RILPL2: variants seen among roughly 807,000 people sequenced by gnomAD.
RILPL2 encodes Rab interacting lysosomal protein like 2.
RILPL2 carries 19 observed loss-of-function variants against 22.2 expected under a neutral mutation model. The observed-to-expected ratio is 0.86, with a 90% CI of 0.60 to 1.25. The LOEUF (loss-of-function observed/expected upper bound fraction) is 1.25. Among genes scored for constraint, RILPL2 ranks in the 50% most tolerant of loss-of-function variants. The pLI, the probability that RILPL2 is intolerant of heterozygous loss-of-function variation, is 0.00. For synonymous variants in RILPL2, 123 were observed against 111.6 expected (o/e 1.10, Z -0.64); for missense variants, 243 against 263.6 (o/e 0.92, Z 0.54).
intron 2 of RILPL2, among the ~76,000 whole-genome samples, chr12:123,429,784 T>G (rs1326089450): frequency 1.3e-5 from 2 of 151,714 alleles, no homozygotes; most frequent in Admixed American, 6.6e-5. Flanking sequence ...TTTTTGTATT[T>G]TTAATGGAGA....
At chr12:123,419,225 T>A (rs1450857932) in intron 3 of RILPL2, among the ~76,000 whole-genome samples, 1 of 147,888 alleles carries the variant, frequency 6.8e-6, no homozygotes, top group Non-Finnish European at 1.5e-5. Context: ...TTAGCCAGGA[T>A]GGTCAGCCAG....
At chr12:123,427,354 C>T (rs1879470119) in intron 2 of RILPL2, among the ~76,000 whole-genome samples, 1 of 152,104 alleles carries the variant, frequency 6.6e-6, no homozygotes, top group Non-Finnish European at 1.5e-5. Context: ...CCCCAGAGGC[C>T]TAACAGCGTC....
Position 123,430,657 on chromosome 12 carries a change from C to A in RILPL2, c.342G>T (p.Val114=). The change falls in exon 2 of 4, where the codon GTG becomes GTT. Residue 114 remains valine, a splice_region_variant and synonymous_variant. Coordinates refer to ENST00000280571, the MANE Select transcript of RILPL2 (RefSeq NM_145058.3). ...RRQSPPASGE[V]NLGPNKMVVD... ...CCACCATTTTGTTTGGGCCCAGGTT[C>A]ACCTGGAAGAAAAGACGCAACCTTT... The A allele has an allele frequency of 6.3e-7, 1 of 1,579,202 alleles. No individual in the cohort carries two copies. Among genetic ancestry groups the A allele is most frequent in the East Asian group, 2.3e-5 (1 of 43,066 alleles).
intron 1 of RILPL2, among the ~76,000 whole-genome samples, chr12:123,434,715 A>C (rs1417897532): frequency 2.0e-5 from 3 of 151,790 alleles, no homozygotes; most frequent in Admixed American, 6.6e-5. Context: ...CGTGAGTCAC[A>C]GCACCCAGCC....
chr12:123,424,558 C>G (rs995770902), intron 2 of RILPL2, among the ~76,000 whole-genome samples: 1 of 151,994 alleles, frequency 6.6e-6, no homozygotes, highest in African/African-American at 2.4e-5. Flanking sequence ...CTCAAACTCC[C>G]GACCTCAGGT....
chr12:123,432,313 C>T (rs1419946785), intron 1 of RILPL2, among the ~76,000 whole-genome samples: 1 of 152,112 alleles, frequency 6.6e-6, no homozygotes, highest in African/African-American at 2.4e-5. Flanking sequence ...TGAGACCAGC[C>T]TGGACAACAT....
chr12:123,422,005 CTTTTT>C (rs35786523), intron 3 of RILPL2, among the ~76,000 whole-genome samples: 1 of 132,370 alleles, frequency 7.6e-6, no homozygotes, highest in East Asian at 2.3e-4. Context: ...CTTTCTCTCT[CTTTTT>C]TTTTTTTTTT....
At chr12:123,418,421 AT>A (rs1483144014) in intron 3 of RILPL2, among the ~76,000 whole-genome samples, 1 of 152,168 alleles carries the variant, frequency 6.6e-6, no homozygotes, top group Non-Finnish European at 1.5e-5. Flanking sequence ...ATTTGTGATC[AT>A]AGCACATATA....
chr12:123,434,049 G>GC (rs1879720597), intron 1 of RILPL2, among the ~76,000 whole-genome samples: 1 of 152,130 alleles, frequency 6.6e-6, no homozygotes, highest in Non-Finnish European at 1.5e-5. Context: ...ACTTACAGCA[G>GC]CTTTTTTGTT....
chr12:123,424,213 A>C (rs1484644911), intron 2 of RILPL2, among the ~76,000 whole-genome samples: 1 of 152,218 alleles, frequency 6.6e-6, no homozygotes, highest in East Asian at 1.9e-4. Flanking sequence ...TCTCTGAACA[A>C]AATAGACAAA....
chr12:123,430,444 T>C, intron 2 of RILPL2, 64 bp downstream of exon 2: 1 of 1,460,338 alleles, frequency 6.8e-7, no homozygotes. Context: ...AAAACAAATA[T>C]GTAACCTAGC....
chr12:123,414,167 G>A (rs1175305396), downstream of RILPL2: 2 of 153,150 alleles, frequency 1.3e-5, no homozygotes, highest in Non-Finnish European at 2.9e-5. Flanking sequence ...AGCAGGGGGT[G>A]GGGCTCGTGG....
At position 123,429,531 on chromosome 12, in the gene RILPL2, G is replaced by A. The variant is rs1465143838; in HGVS notation, c.491+977C>T. Among the ~76,000 whole-genome samples the A allele has an allele frequency of 4.0e-5, 6 of 151,800 alleles. No homozygotes were observed. The East Asian group carries it at 5.8e-4, about 15-fold the overall frequency. On this transcript the variant is annotated intron_variant, in intron 2 of 3. Coordinates refer to ENST00000280571, the MANE Select transcript of RILPL2 (RefSeq NM_145058.3). ...AGGCTGGTCTCGAACTCCTGACCTC[G>A]TGATCTGCCCGCCTCGGCCTCCCAA...
At chr12:123,434,289 G>A (rs1246671261) in intron 1 of RILPL2, among the ~76,000 whole-genome samples, 1 of 151,946 alleles carries the variant, frequency 6.6e-6, no homozygotes, top group East Asian at 1.9e-4. Flanking sequence ...TGGTTGGTGT[G>A]TGCCTGTAGT....
intron 2 of RILPL2, among the ~76,000 whole-genome samples, chr12:123,430,222 A>C: frequency 6.6e-6 from 1 of 151,470 alleles, no homozygotes; most frequent in East Asian, 1.9e-4. Context: ...ATTCTGCCTA[A>C]CACGGTGAAA....
the RILPL2 span, among the ~76,000 whole-genome samples, chr12:123,409,527 T>G: frequency 6.6e-6 from 1 of 151,150 alleles, no homozygotes; most frequent in African/African-American, 2.4e-5. Flanking sequence ...GACCATAGGG[T>G]ATGTGAAGAT....
chr12:123,435,175 G>T (rs961232316), intron 1 of RILPL2, among the ~76,000 whole-genome samples: 9 of 144,838 alleles, frequency 6.2e-5, no homozygotes, highest in Non-Finnish European at 1.2e-4. Flanking sequence ...GCAAGATTCT[G>T]ACTCAAAAAA....
chr12:123,425,553 A>G (rs1165372668), intron 2 of RILPL2, among the ~76,000 whole-genome samples: 1 of 152,072 alleles, frequency 6.6e-6, no homozygotes, highest in African/African-American at 2.4e-5. Flanking sequence ...CCTTGAGCTG[A>G]CAAAGATACC....
intron 1 of RILPL2, among the ~76,000 whole-genome samples, chr12:123,435,588 A>C (rs924199556): frequency 1.3e-5 from 2 of 151,970 alleles, no homozygotes; most frequent in Non-Finnish European, 2.9e-5. Flanking sequence ...ACATCAAAAA[A>C]GTTAGCCAGG....
Sources: gnomAD v4.1 joint callset for allele counts (sites outside exome capture counted in the v4.1 genomes callset) on GRCh38, gnomAD v4.1.1 for gene constraint, MANE v1.5 for transcripts, NCBI Gene and HGNC (gene_info 2026-07-23, HGNC 2026-07-21) for gene names.